CDH12: variants seen among roughly 807,000 people sequenced by gnomAD.
CDH12 encodes the protein cadherin-12.
CDH12 carries 41 observed loss-of-function variants against 74.1 expected under a neutral mutation model. The observed-to-expected ratio is 0.55, with a 90% CI of 0.43 to 0.72. CDH12 has a LOEUF of 0.72. CDH12 is among the 30% of genes least tolerant of loss of function. The pLI, the probability that CDH12 is intolerant of heterozygous loss-of-function variation, is 0.00. For synonymous variants in CDH12, 399 were observed against 355.0 expected (o/e 1.12, Z -1.39); for missense variants, 945 against 977.2 (o/e 0.97, Z 0.44).
At chr5:22,427,721 C>G (rs759277025) in intron 2 of CDH12, among the ~76,000 whole-genome samples, 1 of 152,056 alleles carries the variant, frequency 6.6e-6, no homozygotes, top group Non-Finnish European at 1.5e-5. Flanking sequence ...AGATATCAAT[C>G]CATCACACTC....
intron 2 of CDH12, among the ~76,000 whole-genome samples, chr5:22,490,131 T>C (rs976986051): frequency 3.9e-5 from 6 of 152,200 alleles, no homozygotes; most frequent in Non-Finnish European, 7.3e-5. Flanking sequence ...GTGACAAATA[T>C]ATTGTTTTCA....
At chr5:22,358,331 C>T (rs1343663681) in intron 3 of CDH12, among the ~76,000 whole-genome samples, 1 of 43,866 alleles carries the variant, frequency 2.3e-5, no homozygotes, top group Non-Finnish European at 4.9e-5. Flanking sequence ...ATAACTTGAA[C>T]CCGGAGGCGG....
chr5:22,809,969 A>G (rs78278082), intron 1 of CDH12, among the ~76,000 whole-genome samples: 2,013 of 152,254 alleles, frequency 0.013, 15 homozygotes, highest in Non-Finnish European at 0.018. Context: ...ACACCATTGT[A>G]TTTTAGTATT....
chr5:22,152,472 A>C (rs1747659324), intron 4 of CDH12: 1 of 152,190 alleles, frequency 6.6e-6, no homozygotes, highest in African/African-American at 2.4e-5. Context: ...AATTCTTAGG[A>C]TAATGATTAC....
chr5:22,843,320 C>A (rs1358655244), intron 1 of CDH12, among the ~76,000 whole-genome samples: 1 of 151,940 alleles, frequency 6.6e-6, no homozygotes, highest in Non-Finnish European at 1.5e-5. Flanking sequence ...ACTAAGAGTT[C>A]CAGAATATGG....
chr5:22,838,201 G>C (rs990268676), intron 1 of CDH12, among the ~76,000 whole-genome samples: 4 of 151,976 alleles, frequency 2.6e-5, no homozygotes, highest in African/African-American at 9.7e-5. Flanking sequence ...CTATTTCCTT[G>C]GCTGTAGACC....
chr5:21,850,347 A>G (rs944554537), intron 7 of CDH12, among the ~76,000 whole-genome samples: 1 of 151,424 alleles, frequency 6.6e-6, no homozygotes, highest in South Asian at 2.1e-4. Flanking sequence ...AGAATGAATA[A>G]GTAAGATGAT....
intron 4 of CDH12, among the ~76,000 whole-genome samples, chr5:22,210,833 T>TAA (rs34486582): frequency 3.0e-4 from 43 of 144,490 alleles, no homozygotes; most frequent in African/African-American, 9.3e-4. Context: ...TCAAGTTGCT[T>TAA]AAAAAAAAAA....
intron 3 of CDH12, among the ~76,000 whole-genome samples, chr5:22,314,941 C>CTTTTTT (rs759734847): frequency 0.022 from 1,457 of 67,736 alleles, 465 homozygotes; most frequent in Middle Eastern, 0.029. Flanking sequence ...CTGGGTTGGT[C>CTTTTTT]TTTTTTTTTT....
At chr5:22,587,265 T>C (rs917192419) in intron 1 of CDH12, among the ~76,000 whole-genome samples, 1 of 152,106 alleles carries the variant, frequency 6.6e-6, no homozygotes, top group Non-Finnish European at 1.5e-5. Context: ...CCTTTCACTT[T>C]CCACCATGGA....
intron 6 of CDH12, among the ~76,000 whole-genome samples, chr5:21,877,786 G>A (rs1214870036): frequency 6.6e-6 from 1 of 152,188 alleles, no homozygotes; most frequent in Non-Finnish European, 1.5e-5. Flanking sequence ...GACACCTCAA[G>A]CCATGCTAAG....
intron 3 of CDH12, among the ~76,000 whole-genome samples, chr5:22,392,872 T>C (rs1742302146): frequency 6.6e-6 from 1 of 152,066 alleles, no homozygotes; most frequent in South Asian, 2.1e-4. Flanking sequence ...GTTCTACAGT[T>C]TACAACACTT....
In CDH12 at chr5:22,555,544, T is replaced by C. The variant is rs756281823; in HGVS notation, c.-522-50180A>G. ...CACAGAAGCAAAGAAAAAAATAGTG[T>C]CTTCTTTGAAAAATTTTTTAGAATC... On this transcript the variant is annotated intron_variant, in intron 1 of 14. Coordinates refer to ENST00000382254, the MANE Select transcript of CDH12 (RefSeq NM_004061.5). Among the ~76,000 whole-genome samples, 32 of 152,072 alleles carry C rather than the reference T, an allele frequency of 2.1e-4. No individual in the cohort carries two copies. In the South Asian group the frequency reaches 4.3e-3, roughly 21 times the overall value.
At chr5:22,204,157 T>G (rs544826268) in intron 4 of CDH12, among the ~76,000 whole-genome samples, 106 of 33,970 alleles carry the variant, frequency 3.1e-3, no homozygotes, top group East Asian at 0.029. Context: ...TGTTTTGTTT[T>G]GTTTGTTTTT....
chr5:22,610,268 G>A (rs960955287), intron 1 of CDH12, among the ~76,000 whole-genome samples: 9 of 152,138 alleles, frequency 5.9e-5, no homozygotes, highest in African/African-American at 2.2e-4. Flanking sequence ...TTGGAAGATA[G>A]GCTCTTACCA....
At chr5:22,536,970 G>T (rs1737878242) in intron 1 of CDH12, among the ~76,000 whole-genome samples, 1 of 152,082 alleles carries the variant, frequency 6.6e-6, no homozygotes, top group African/African-American at 2.4e-5. Context: ...TCATTAAAAA[G>T]ATTAAAGGCC....
At chr5:22,495,608 G>A (rs1029474326) in intron 2 of CDH12, among the ~76,000 whole-genome samples, 1 of 152,076 alleles carries the variant, frequency 6.6e-6, no homozygotes, top group East Asian at 1.9e-4. Context: ...ATATATATAT[G>A]TATGAATGCA....
chr5:22,298,804 A>C (rs1015790202), intron 3 of CDH12, among the ~76,000 whole-genome samples: 1 of 152,310 alleles, frequency 6.6e-6, no homozygotes, highest in Non-Finnish European at 1.5e-5. Context: ...CAAAGATTTC[A>C]TTCATGTTTC....
Position 22,330,126 on chromosome 5 carries a change from G to A in CDH12, c.-333+75131C>T, listed in dbSNP as rs114717360. 9.2e-3 allele frequency among the ~76,000 whole-genome samples: 1,402 copies of A among 152,186 alleles called. 10 individuals carry two copies. Among genetic ancestry groups the A allele is most frequent in the Non-Finnish European group, 0.013 (905 of 68,004 alleles). On this transcript the variant is annotated intron_variant, in intron 3 of 14. Transcript: ENST00000382254. Reference sequence around the variant, plus strand: ...TCTGCTTAAGGAGAGGAGAATGAAGGGTAAAGAGGACTTTGTTTTGCATCA... The same window carrying A: ...TCTGCTTAAGGAGAGGAGAATGAAGAGTAAAGAGGACTTTGTTTTGCATCA...
Sources: gnomAD v4.1 joint callset for allele counts (sites outside exome capture counted in the v4.1 genomes callset) on GRCh38, gnomAD v4.1.1 for gene constraint, MANE v1.5 for transcripts, NCBI Gene and HGNC (gene_info 2026-07-23, HGNC 2026-07-21) for gene names.